TPO: variants seen among roughly 807,000 people sequenced by gnomAD.
The protein encoded by TPO is thyroid peroxidase.
TPO carries 78 observed loss-of-function variants against 96.9 expected under a neutral mutation model. The ratio of observed to expected loss-of-function variants is 0.81; its 90% CI spans 0.67 to 0.97. The LOEUF is 0.97. Ranked by LOEUF, TPO falls within the 50% of genes least tolerant of loss-of-function variation. The pLI is 0.00. For missense variants in TPO, 1,252 were observed against 1,274.8 expected, an observed-to-expected ratio of 0.98 and a Z score of 0.27; for synonymous variants, 547 against 538.0, an observed-to-expected ratio of 1.02 and a Z score of -0.23.
upstream of TPO, among the ~76,000 whole-genome samples, chr2:1,410,465 CG>C (rs1451965293): frequency 1.3e-5 from 2 of 152,176 alleles, no homozygotes; most frequent in East Asian, 3.9e-4. Flanking sequence ...TCCTGGGCCT[CG>C]GTTAGGGAGA....
At chr2:1,451,158 G>A (rs1029062283) in intron 5 of TPO, among the ~76,000 whole-genome samples, 5 of 152,142 alleles carry the variant, frequency 3.3e-5, no homozygotes, top group East Asian at 1.9e-4. Context: ...TCTAATGTAC[G>A]GAGCTGCGTG....
intron 1 of TPO, among the ~76,000 whole-genome samples, chr2:1,390,894 A>T (rs549685739): frequency 1.3e-5 from 2 of 152,122 alleles, no homozygotes; most frequent in East Asian, 3.9e-4. Context: ...TTTTTCTTGT[A>T]AATTTGTTTG....
At chr2:1,509,406 C>G (rs1296473703) in intron 14 of TPO, among the ~76,000 whole-genome samples, 1 of 150,524 alleles carries the variant, frequency 6.6e-6, no homozygotes, top group East Asian at 1.9e-4. Flanking sequence ...CCTCTTGTTT[C>G]AGGGACACCA....
chr2:1,467,588 G>T (rs1051094456), intron 7 of TPO, among the ~76,000 whole-genome samples: 1 of 152,116 alleles, frequency 6.6e-6, no homozygotes, highest in African/African-American at 2.4e-5. Context: ...ATTTATTGAG[G>T]CTTATTTTGA....
intron 15 of TPO, among the ~76,000 whole-genome samples, chr2:1,523,744 A>AC (rs1185677188): frequency 3.6e-5 from 2 of 56,128 alleles, no homozygotes; most frequent in South Asian, 7.2e-4. Context: ...ACTGTGTGCA[A>AC]CCCCCCCAAA....
chr2:1,523,059 A>C (rs546338854), intron 15 of TPO, among the ~76,000 whole-genome samples: 39 of 133,948 alleles, frequency 2.9e-4, no homozygotes, highest in African/African-American at 1.1e-3. Flanking sequence ...ACTGTGTGCA[A>C]CCTCACCAAA....
chr2:1,400,586 AAAG>A, intron 1 of TPO, among the ~76,000 whole-genome samples: 2 of 150,418 alleles, frequency 1.3e-5, no homozygotes, highest in Admixed American at 1.3e-4. Flanking sequence ...AAAAAAAAAA[AAAG>A]AAATATTTGT....
chr2:1,426,950 A>C (rs114334627), intron 3 of TPO, among the ~76,000 whole-genome samples: 2,182 of 152,296 alleles, frequency 0.014, 65 homozygotes, highest in African/African-American at 0.049. Flanking sequence ...AGGCTTTTGG[A>C]AAGTGATAGG....
chr2:1,420,228 T>G (rs1663369189), intron 2 of TPO, among the ~76,000 whole-genome samples: 2 of 152,244 alleles, frequency 1.3e-5, no homozygotes, highest in Non-Finnish European at 2.9e-5. Context: ...ATATTAATAT[T>G]GGTCAATAAC....
At chr2:1,489,188 ACCCATCACATG>A (rs368202962) in intron 10 of TPO, among the ~76,000 whole-genome samples, 4 of 135,126 alleles carry the variant, frequency 3.0e-5, no homozygotes, top group South Asian at 2.5e-4. Context: ...GCCTGCACAT[ACCCATCACATG>A]CCCAGCACAT....
intron 16 of TPO, 96 bp from the exon 17 acceptor site, chr2:1,542,325 C>A: frequency 6.6e-7 from 1 of 1,515,544 alleles, no homozygotes; most frequent in Non-Finnish European, 9.0e-7. Context: ...GTGAAAAGAG[C>A]TCCTGTCCAG....
At chr2:1,510,692 A>C (rs1674014002) in intron 14 of TPO, among the ~76,000 whole-genome samples, 1 of 152,106 alleles carries the variant, frequency 6.6e-6, no homozygotes, top group Admixed American at 6.6e-5. Context: ...CCCCCTTTGA[A>C]TGCCTGCACC....
intron 1 of TPO, among the ~76,000 whole-genome samples, chr2:1,380,953 A>G (rs11897977): frequency 0.24 from 35,883 of 152,048 alleles, 8,428 homozygotes; most frequent in African/African-American, 0.61. Flanking sequence ...GAGAAAACAA[A>G]GTGAGAGGAG....
intron 14 of TPO, among the ~76,000 whole-genome samples, chr2:1,510,546 C>G (rs189515597): frequency 6.6e-6 from 1 of 152,212 alleles, no homozygotes; most frequent in Non-Finnish European, 1.5e-5. Context: ...AGGTCAGGAA[C>G]AGCCCTGGGA....
chr2:1,478,902 C>T (rs551367528), intron 8 of TPO, among the ~76,000 whole-genome samples: 1 of 151,954 alleles, frequency 6.6e-6, no homozygotes, highest in Non-Finnish European at 1.5e-5. Context: ...ATCCACACAG[C>T]AAACACGGCA....
intron 13 of TPO, among the ~76,000 whole-genome samples, chr2:1,499,598 T>G (rs1370299349): frequency 1.4e-5 from 2 of 139,280 alleles, no homozygotes; most frequent in Non-Finnish European, 3.2e-5. Context: ...AATCCCTGAG[T>G]CAGGGCTGCA....
chr2:1,482,483 C>T (rs559720784), intron 8 of TPO, among the ~76,000 whole-genome samples: 8 of 152,234 alleles, frequency 5.3e-5, no homozygotes, highest in Admixed American at 3.3e-4. Flanking sequence ...AGGAAGAAGA[C>T]ATGGCCCACC....
At chr2:1,524,133 A>C (rs1319570478) in intron 15 of TPO, among the ~76,000 whole-genome samples, 54 of 65,402 alleles carry the variant, frequency 8.3e-4, no homozygotes, top group South Asian at 1.5e-3. Context: ...AAATACCCCC[A>C]ACTCTGTGCA....
At chr2:1,526,343 G>A (rs1392177531) in intron 15 of TPO, among the ~76,000 whole-genome samples, 2 of 48,034 alleles carry the variant, frequency 4.2e-5, no homozygotes, top group Non-Finnish European at 8.0e-5. Flanking sequence ...CCCAGTGTGT[G>A]CAACCTCAAT....
Sources: gnomAD v4.1 joint callset for allele counts (sites outside exome capture counted in the v4.1 genomes callset) on GRCh38, gnomAD v4.1.1 for gene constraint, MANE v1.5 for transcripts, NCBI Gene and HGNC (gene_info 2026-07-23, HGNC 2026-07-21) for gene names.